The following TRIO variants were observed in gnomAD, a reference collection of about 807,000 sequenced individuals.
TRIO encodes the protein triple functional domain protein.
A neutral mutation model predicts 351.9 loss-of-function variants in TRIO; 58 were observed. The ratio of observed to expected loss-of-function variants is 0.16; its 90% confidence interval spans 0.13 to 0.21. The LOEUF (loss-of-function observed/expected upper bound fraction) is 0.21, where lower values mean the gene tolerates loss of function less well. TRIO is among the 10% of genes least tolerant of loss of function. The probability of loss-of-function intolerance (pLI) is 1.00; values close to 1 mark genes in which losing one functional copy is unlikely to be tolerated. For synonymous variants in TRIO, 1,758 were observed against 1,595.7 expected (o/e 1.10, Z -2.42); for missense variants, 3,201 against 4,027.8 (o/e 0.79, Z 5.56).
chr5:14,314,417 A>G (rs1739200278), intron 8 of TRIO, among the ~76,000 whole-genome samples: 1 of 152,244 alleles, frequency 6.6e-6, no homozygotes. Flanking sequence ...TATAGCAACT[A>G]CAACTGTAGC....
intron 34 of TRIO, among the ~76,000 whole-genome samples, chr5:14,421,551 C>T (rs1320735742): frequency 6.9e-6 from 1 of 144,668 alleles, no homozygotes; most frequent in African/African-American, 2.7e-5. Flanking sequence ...TTGTAGGGAG[C>T]AGAGATCGCA....
intron 1 of TRIO, among the ~76,000 whole-genome samples, chr5:14,209,293 T>C (rs902810906): frequency 1.3e-5 from 2 of 152,224 alleles, no homozygotes; most frequent in African/African-American, 2.4e-5. Context: ...ACATCCTTTA[T>C]GTCAGGAACT....
At chr5:14,503,962 G>A (rs1757474825) in intron 54 of TRIO, among the ~76,000 whole-genome samples, 1 of 152,228 alleles carries the variant, frequency 6.6e-6, no homozygotes, top group African/African-American at 2.4e-5. Context: ...CCCCACAGGG[G>A]CGAGGCTGAG....
At chr5:14,414,617 T>C (rs1352823106) in intron 33 of TRIO, among the ~76,000 whole-genome samples, 1 of 152,190 alleles carries the variant, frequency 6.6e-6, no homozygotes, top group South Asian at 2.1e-4. Flanking sequence ...TTTTTTTCTT[T>C]AATTGTGGTT....
At chr5:14,358,102 G>C in intron 11 of TRIO, 76 bp from the exon 12 acceptor site, 1 of 1,509,204 alleles carries the variant, frequency 6.6e-7, no homozygotes, top group Non-Finnish European at 8.9e-7. Flanking sequence ...CTCCACTGGG[G>C]CCCCTTGGAC....
chr5:14,344,348 CA>C lies in TRIO; in HGVS notation c.2046+7629del, dbSNP rs919259842. ...TGGTCTTCCCATTGGTGGGAATATC[CA>C]AAAAAAATACATCTAGTCAATTATG... On this transcript the variant is annotated intron_variant, in intron 11 of 56. Coordinates refer to ENST00000344204, the MANE Select transcript of TRIO (RefSeq NM_007118.4). Among the ~76,000 whole-genome samples the C allele has an allele frequency of 9.9e-4, 150 of 151,262 alleles. 1 individual carries two copies. Among genetic ancestry groups the C allele is most frequent in the African/African-American group, 3.5e-3 (146 of 41,230 alleles).
At chr5:14,452,925 C>T (rs1011069599) in intron 34 of TRIO, among the ~76,000 whole-genome samples, 1 of 152,060 alleles carries the variant, frequency 6.6e-6, no homozygotes, top group African/African-American at 2.4e-5. Context: ...TTATTAATCA[C>T]AGATGTCCCA....
intron 6 of TRIO, among the ~76,000 whole-genome samples, chr5:14,293,758 A>G (rs1196817844): frequency 6.6e-6 from 1 of 152,086 alleles, no homozygotes; most frequent in Non-Finnish European, 1.5e-5. Context: ...CCAAACCAAA[A>G]CACTGAATTT....
chr5:14,439,785 A>G (rs1249526727), intron 34 of TRIO, among the ~76,000 whole-genome samples: 1 of 152,226 alleles, frequency 6.6e-6, no homozygotes, highest in Non-Finnish European at 1.5e-5. Context: ...GTGTTTTAAG[A>G]AGAATATGAA....
intron 1 of TRIO, among the ~76,000 whole-genome samples, chr5:14,173,996 A>G (rs1360741728): frequency 6.6e-6 from 1 of 152,266 alleles, no homozygotes; most frequent in Non-Finnish European, 1.5e-5. Context: ...AAGTCCATTT[A>G]TGCAAGGCTG....
chr5:14,289,458 T>C (rs1475421640), intron 4 of TRIO, among the ~76,000 whole-genome samples: 3 of 151,972 alleles, frequency 2.0e-5, no homozygotes, highest in East Asian at 3.9e-4. Context: ...AGGCTTAAGA[T>C]GGGAGGATGG....
chr5:14,447,932 T>G (rs1470743909), intron 34 of TRIO, among the ~76,000 whole-genome samples: 1 of 152,212 alleles, frequency 6.6e-6, no homozygotes, highest in Non-Finnish European at 1.5e-5. Context: ...CCCCCAGAAT[T>G]AACTTTCTGT....
At chr5:14,321,463 A>C (rs183012517) in intron 9 of TRIO, among the ~76,000 whole-genome samples, 1 of 152,360 alleles carries the variant, frequency 6.6e-6, no homozygotes, top group Admixed American at 6.5e-5. Flanking sequence ...AACAGCATCA[A>C]GCTCATCTTG....
intron 34 of TRIO, among the ~76,000 whole-genome samples, chr5:14,422,219 T>C (rs1750228364): frequency 6.6e-6 from 1 of 152,210 alleles, no homozygotes; most frequent in African/African-American, 2.4e-5. Flanking sequence ...TCAGGCTGCC[T>C]TGCCTCACCC....
chr5:14,389,249 G>A (rs1032851545), intron 24 of TRIO, 40 bp from the exon 25 acceptor site: 14 of 1,468,860 alleles, frequency 9.5e-6, no homozygotes, highest in Admixed American at 2.0e-5. Flanking sequence ...TGAAAATATG[G>A]TGATTATTTT....
At chr5:14,226,334 C>T (rs182430592) in intron 1 of TRIO, among the ~76,000 whole-genome samples, 1 of 152,268 alleles carries the variant, frequency 6.6e-6, no homozygotes, top group Non-Finnish European at 1.5e-5. Flanking sequence ...CACAGCCTTG[C>T]AAGCCCTGCT....
intron 18 of TRIO, among the ~76,000 whole-genome samples, chr5:14,372,318 T>A (rs533457315): frequency 1.3e-5 from 2 of 151,722 alleles, no homozygotes; most frequent in Admixed American, 1.3e-4. Context: ...TGCTTGTACT[T>A]CCTATGGGAT....
chr5:14,237,276 T>C (rs1428037784), intron 1 of TRIO, among the ~76,000 whole-genome samples: 1 of 152,266 alleles, frequency 6.6e-6, no homozygotes, highest in Non-Finnish European at 1.5e-5. Context: ...TTAAGTGTCC[T>C]GTCGGCACTC....
At chr5:14,351,345 T>C (rs1743083179) in intron 11 of TRIO, among the ~76,000 whole-genome samples, 1 of 152,224 alleles carries the variant, frequency 6.6e-6, no homozygotes, top group Non-Finnish European at 1.5e-5. Context: ...TGTCACATTT[T>C]ATGTGCATAG....
Sources: allele counts gnomAD v4.1 joint callset (sites outside exome capture counted in the v4.1 genomes callset), GRCh38; gene constraint gnomAD v4.1.1; transcripts MANE v1.5; gene names NCBI Gene and HGNC (gene_info 2026-07-23, HGNC 2026-07-21).